The following HNF1B variants were observed in gnomAD, a reference collection of about 807,000 sequenced individuals.
HNF1B encodes hepatocyte nuclear factor 1-beta.
Under a neutral mutation model 61.7 loss-of-function variants are expected in HNF1B, and 8 were observed. The ratio of observed to expected loss-of-function variants is 0.13; its 90% CI spans 0.08 to 0.23. The LOEUF is 0.23. HNF1B is among the 10% of genes least tolerant of loss of function. HNF1B has a pLI of 1.00. For synonymous variants in HNF1B, 314 were observed against 287.7 expected, an observed-to-expected ratio of 1.09 and a Z score of -0.93; for missense variants, 562 against 714.5, an observed-to-expected ratio of 0.79 and a Z score of 2.43.
chr17:37,707,201 G>A (rs1239611120), intron 5 of HNF1B, among the ~76,000 whole-genome samples: 4 of 150,356 alleles, frequency 2.7e-5, no homozygotes, highest in Non-Finnish European at 4.4e-5. Flanking sequence ...CTGCAGCTTC[G>A]AACTCCTGGA....
chr17:37,742,176 C>T (rs777292545), intron 1 of HNF1B, among the ~76,000 whole-genome samples: 3 of 152,252 alleles, frequency 2.0e-5, no homozygotes, highest in African/African-American at 7.2e-5. Flanking sequence ...TGCCCACGAG[C>T]AGAGAAGCCT....
chr17:37,721,596 C>T lies in HNF1B; in HGVS notation c.1045+9999G>A, dbSNP rs575257612. 3.9e-5 allele frequency among the ~76,000 whole-genome samples: 6 copies of T among 152,224 alleles called. No homozygotes were observed. In the East Asian group the frequency reaches 7.7e-4, roughly 20 times the overall value. On this transcript the variant is annotated intron_variant, in intron 4 of 8. Transcript: ENST00000617811. ...AATCCTAGTCCAAGGCCCCTCACCC[C>T]GGCTGCTTCTCTTTTCCCATTTCAG...
At chr17:37,739,100 G>A (rs1363189301) in intron 2 of HNF1B, among the ~76,000 whole-genome samples, 2 of 152,192 alleles carry the variant, frequency 1.3e-5, no homozygotes, top group African/African-American at 4.8e-5. Flanking sequence ...ATCAAGGGGA[G>A]ATGCTGGGTT....
At chr17:37,732,324 G>A (rs1246712845) in intron 3 of HNF1B, among the ~76,000 whole-genome samples, 1 of 152,190 alleles carries the variant, frequency 6.6e-6, no homozygotes, top group African/African-American at 2.4e-5. Flanking sequence ...AGGCTGGGTG[G>A]GGTACAAAGC....
intron 4 of HNF1B, among the ~76,000 whole-genome samples, chr17:37,728,407 C>T (rs946228570): frequency 8.8e-5 from 13 of 147,866 alleles, no homozygotes; most frequent in Admixed American, 2.7e-4. Context: ...CCTGGGTTCA[C>T]GCCATTCTCC....
intron 5 of HNF1B, among the ~76,000 whole-genome samples, chr17:37,708,094 A>T (rs1294328642): frequency 6.6e-6 from 1 of 152,178 alleles, no homozygotes; most frequent in Non-Finnish European, 1.5e-5. Context: ...GAGGTTAAGC[A>T]ATTTGTCCAC....
intron 8 of HNF1B, among the ~76,000 whole-genome samples, chr17:37,689,767 A>G (rs1396205011): frequency 1.3e-5 from 2 of 152,210 alleles, no homozygotes; most frequent in Non-Finnish European, 2.9e-5. Flanking sequence ...TCGACATCCT[A>G]CTGTGTGCCA....
intron 5 of HNF1B, among the ~76,000 whole-genome samples, chr17:37,707,769 C>CTT (rs370273372): frequency 6.9e-6 from 1 of 144,466 alleles, no homozygotes; most frequent in Admixed American, 6.9e-5. Flanking sequence ...TGTTCTCTCT[C>CTT]TTTTTTTTTT....
intron 4 of HNF1B, among the ~76,000 whole-genome samples, chr17:37,722,671 T>G (rs910398057): frequency 6.6e-6 from 1 of 152,264 alleles, no homozygotes; most frequent in South Asian, 2.1e-4. Context: ...CCAAAAGCAT[T>G]GGAAGCATCG....
chr17:37,688,600 C>T (rs1299809789), intron 8 of HNF1B, among the ~76,000 whole-genome samples: 2 of 152,176 alleles, frequency 1.3e-5, no homozygotes, highest in Non-Finnish European at 2.9e-5. Flanking sequence ...CAGCTTCAAA[C>T]TAGCTGTCTA....
chr17:37,723,215 T>C lies in HNF1B; in HGVS notation c.1045+8380A>G, dbSNP rs562777359. Among the ~76,000 whole-genome samples the C allele has an allele frequency of 4.7e-3, 702 of 148,868 alleles. 5 individuals are homozygous for C. Among genetic ancestry groups the C allele is most frequent in the African/African-American group, 0.016 (655 of 40,606 alleles). On this transcript the variant is annotated intron_variant, in intron 4 of 8. Coordinates refer to ENST00000617811, the MANE Select transcript of HNF1B (RefSeq NM_000458.4). The stretch of plus-strand genomic sequence containing the variant: ...ACAAAAAATTAGCCGGGCGTGGTGG[T>C]GGACGCCTGTAGTCCCAGCTACTCG...
intron 6 of HNF1B, among the ~76,000 whole-genome samples, chr17:37,702,481 C>T (rs779716126): frequency 3.3e-5 from 5 of 152,150 alleles, no homozygotes; most frequent in South Asian, 2.1e-4. Context: ...GGGGGCTCAG[C>T]GTCTCCTCAA....
At chr17:37,718,049 G>A in intron 4 of HNF1B, among the ~76,000 whole-genome samples, 1 of 152,078 alleles carries the variant, frequency 6.6e-6, no homozygotes, top group East Asian at 1.9e-4. Context: ...TGCAGGGACA[G>A]TAAACATTCT....
intron 4 of HNF1B, among the ~76,000 whole-genome samples, chr17:37,718,817 T>C (rs147771662): frequency 6.4e-4 from 97 of 152,394 alleles, no homozygotes; most frequent in Non-Finnish European, 1.1e-3. Flanking sequence ...GAGTAAATGA[T>C]GAATGAATAA....
In HNF1B at chr17:37,709,772, G is replaced by A. The variant is rs193091996; in HGVS notation, c.1206+731C>T. ...CAGAGTATTTCTCAAATGTTATCAC[G>A]CTCATGCCCCCACCAAGTCTATTGT... On this transcript the variant is annotated intron_variant, in intron 5 of 8. Coordinates refer to ENST00000617811, the MANE Select transcript of HNF1B (RefSeq NM_000458.4). Among the ~76,000 whole-genome samples the A allele has an allele frequency of 1.9e-3, 287 of 152,170 alleles. 1 individual carries two copies. Among genetic ancestry groups the A allele is most frequent in the Middle Eastern group, 6.8e-3 (2 of 294 alleles).
At chr17:37,718,439 G>A (rs1402390145) in intron 4 of HNF1B, among the ~76,000 whole-genome samples, 2 of 152,222 alleles carry the variant, frequency 1.3e-5, no homozygotes, top group South Asian at 2.1e-4. Context: ...CCTCACATCT[G>A]AGAGTATGTT....
At chr17:37,721,410 C>T (rs868138046) in intron 4 of HNF1B, among the ~76,000 whole-genome samples, 4 of 152,248 alleles carry the variant, frequency 2.6e-5, no homozygotes, top group Middle Eastern at 6.8e-3. Flanking sequence ...CTCCAAGCTG[C>T]GGAGTCCTGG....
intron 4 of HNF1B, 163 bp downstream of exon 4, chr17:37,731,432 G>C (rs1461082389): frequency 1.4e-6 from 1 of 726,112 alleles, no homozygotes; most frequent in Non-Finnish European, 2.5e-6. Flanking sequence ...ACTGATCAGA[G>C]CCACACATTA....
At chr17:37,710,118 C>G (rs1252657420) in intron 5 of HNF1B, among the ~76,000 whole-genome samples, 1 of 152,170 alleles carries the variant, frequency 6.6e-6, no homozygotes, top group African/African-American at 2.4e-5. Flanking sequence ...GGGCTTGTGT[C>G]AAAGTGAGGT....
Sources: gnomAD v4.1 joint callset for allele counts (sites outside exome capture counted in the v4.1 genomes callset) on GRCh38, gnomAD v4.1.1 for gene constraint, MANE v1.5 for transcripts, NCBI Gene and HGNC (gene_info 2026-07-23, HGNC 2026-07-21) for gene names.